The following FAM78B variants were observed in gnomAD, a reference collection of about 807,000 sequenced individuals.
FAM78B encodes the protein protein FAM78B.
FAM78B carries 10 observed loss-of-function variants against 20.0 expected under a neutral mutation model. The ratio of observed to expected loss-of-function variants is 0.50; its 90% CI spans 0.31 to 0.85. The LOEUF is 0.85. Among genes scored for constraint, FAM78B ranks in the 40% least tolerant of loss-of-function variants. The pLI, the probability that FAM78B is intolerant of heterozygous loss-of-function variation, is 0.05. For synonymous variants in FAM78B, 135 were observed against 132.8 expected (o/e 1.02, Z -0.12); for missense variants, 283 against 345.0 (o/e 0.82, Z 1.42).
intron 1 of FAM78B, among the ~76,000 whole-genome samples, chr1:166,074,400 C>T (rs1333472556): frequency 6.6e-6 from 1 of 152,122 alleles, no homozygotes; most frequent in African/African-American, 2.4e-5. Flanking sequence ...GATATATCTA[C>T]AACTACAGGT....
chr1:166,071,399 T>C (rs1433737814), intron 1 of FAM78B, among the ~76,000 whole-genome samples: 2 of 152,218 alleles, frequency 1.3e-5, no homozygotes, highest in African/African-American at 4.8e-5. Context: ...CAGGCTGGCA[T>C]ACACTCTAAT....
At chr1:166,106,775 A>T (rs1182956196) in intron 1 of FAM78B, among the ~76,000 whole-genome samples, 1 of 152,154 alleles carries the variant, frequency 6.6e-6, no homozygotes, top group African/African-American at 2.4e-5. Flanking sequence ...ATTGGGTATT[A>T]TGCTCATTAC....
At chr1:166,133,138 CTT>C (rs1443280337) in intron 1 of FAM78B, among the ~76,000 whole-genome samples, 1 of 152,272 alleles carries the variant, frequency 6.6e-6, no homozygotes, top group Non-Finnish European at 1.5e-5. Context: ...CTGCTTTTCT[CTT>C]TGAGCACATT....
intron 1 of FAM78B, chr1:166,087,115 G>T (rs1652865829): frequency 6.6e-6 from 1 of 151,784 alleles, no homozygotes; most frequent in Non-Finnish European, 1.5e-5. Flanking sequence ...ACCCAGGCTG[G>T]AGTGCAATGG....
At chr1:166,087,280 G>C (rs1652873571) in intron 1 of FAM78B, 1 of 152,052 alleles carries the variant, frequency 6.6e-6, no homozygotes, top group African/African-American at 2.4e-5. Context: ...GTCCAGGCTG[G>C]TCTTGAACTC....
rs1294938255 is a variant in FAM78B, at chr1:166,109,892, A to ATG, written c.264-39130_264-39129insCA. ...TGTATATATATATATGTATATATGT[A>ATG]TATATATATATATATATATATATAT... On this transcript the variant is annotated intron_variant, in intron 1 of 1. Coordinates refer to ENST00000354422, the MANE Select transcript of FAM78B (RefSeq NM_001017961.5). 3.2e-3 allele frequency among the ~76,000 whole-genome samples: 133 copies of ATG among 41,864 alleles called. 12 individuals carry two copies. The highest frequency in any genetic ancestry group is 6.1e-3 in the South Asian group (6 of 990). 27.5% of individuals were successfully genotyped at this position (41,864 alleles called of 152,430 possible).
At chr1:166,099,020 A>T (rs1653395039) in intron 1 of FAM78B, among the ~76,000 whole-genome samples, 1 of 152,234 alleles carries the variant, frequency 6.6e-6, no homozygotes, top group Admixed American at 6.5e-5. Context: ...CTTATAAAGG[A>T]AAACCTATTA....
At chr1:166,066,514 C>T (rs1269642154), downstream of FAM78B, among the ~76,000 whole-genome samples, 1 of 152,084 alleles carries the variant, frequency 6.6e-6, no homozygotes, top group Non-Finnish European at 1.5e-5. Context: ...GAAGTTGGAG[C>T]CAAAAGGCCC....
At chr1:166,057,394 A>G (rs887795069), downstream of FAM78B, 2 of 152,212 alleles carry the variant, frequency 1.3e-5, no homozygotes, top group African/African-American at 4.8e-5. Context: ...CAGGCACTGC[A>G]TCTTTGAGGA....
intron 1 of FAM78B, among the ~76,000 whole-genome samples, chr1:166,109,874 A>ATATATG (rs1553219439): frequency 3.4e-4 from 6 of 17,808 alleles, no homozygotes; most frequent in African/African-American, 1.0e-3. Flanking sequence ...ATGTGTATAT[A>ATATATG]TATATATGTA....
At position 166,070,314 on chromosome 1, in the gene FAM78B, T is replaced by C; in HGVS notation, c.713A>G (p.Asn238Ser). 6.3e-7 allele frequency: 1 copy of C among 1,590,770 alleles called. No individual in the cohort carries two copies. The highest frequency in any genetic ancestry group is 8.6e-7 in the Non-Finnish European group (1 of 1,166,462). The change falls in exon 2 of 2, where the codon AAT (asparagine) becomes AGT (serine). Residue 238 changes from asparagine (N) to serine (S), a missense_variant. Physicochemically the swap from Asn to Ser is conservative, Grantham distance 46. Transcript: ENST00000354422. The stretch of plus-strand genomic sequence containing the variant: ...CATGAGGACCTGGGCATCATTGGCA[T>C]TGGGTTTCACTAGTGCATTAGGGGG... ...PIPPNALVKP[N>S]ANDAQVLMWR...
chr1:166,087,435 G>A (rs1160885237), intron 1 of FAM78B: 1 of 152,148 alleles, frequency 6.6e-6, no homozygotes, highest in African/African-American at 2.4e-5. Context: ...GTAAACCATG[G>A]AGGCAGGATT....
chr1:166,122,659 G>C (rs973188100), intron 1 of FAM78B, among the ~76,000 whole-genome samples: 1 of 152,170 alleles, frequency 6.6e-6, no homozygotes, highest in Non-Finnish European at 1.5e-5. Flanking sequence ...CTTAGCATCT[G>C]TGTGTCGTTC....
At chr1:166,066,117 G>A (rs533408850), downstream of FAM78B, among the ~76,000 whole-genome samples, 9 of 152,334 alleles carry the variant, frequency 5.9e-5, no homozygotes, top group East Asian at 1.7e-3. Flanking sequence ...GGGTGGCAGG[G>A]CCTTGTTCAG....
intron 1 of FAM78B, among the ~76,000 whole-genome samples, chr1:166,140,108 T>A (rs1655223260): frequency 1.3e-5 from 2 of 152,362 alleles, no homozygotes; most frequent in South Asian, 4.1e-4. Context: ...GGCTAGACTC[T>A]TCTAAGGAAT....
At chr1:166,126,528 T>C (rs1033727775) in intron 1 of FAM78B, among the ~76,000 whole-genome samples, 1 of 151,760 alleles carries the variant, frequency 6.6e-6, no homozygotes, top group African/African-American at 2.4e-5. Context: ...AAAAATTTGA[T>C]GGAGGTGAGG....
rs538561037 is a variant in FAM78B, at chr1:166,151,230, T to C, written c.263+14756A>G. On this transcript the variant is annotated intron_variant, in intron 1 of 1. Coordinates refer to ENST00000354422, the MANE Select transcript of FAM78B (RefSeq NM_001017961.5). Reference sequence around the variant, plus strand: ...CAATGAAGACAATCTGACTGTCTCGTCCACTTCTTTCTCTCTGGTTACTCT... The same window carrying C: ...CAATGAAGACAATCTGACTGTCTCGCCCACTTCTTTCTCTCTGGTTACTCT... 2.0e-5 allele frequency among the ~76,000 whole-genome samples: 3 copies of C among 152,360 alleles called. No homozygotes were observed. The East Asian group carries it at 5.8e-4, about 29-fold the overall frequency.
At chr1:166,130,509 T>C (rs1303762064) in intron 1 of FAM78B, among the ~76,000 whole-genome samples, 1 of 152,156 alleles carries the variant, frequency 6.6e-6, no homozygotes, top group Non-Finnish European at 1.5e-5. Flanking sequence ...TGGCTATGTC[T>C]GGGAACACTT....
chr1:166,120,547 T>C (rs1054416310), intron 1 of FAM78B, among the ~76,000 whole-genome samples: 3 of 151,778 alleles, frequency 2.0e-5, no homozygotes, highest in African/African-American at 7.3e-5. Context: ...GGCAGAAGAG[T>C]GAAATGAGAG....
Sources: allele counts gnomAD v4.1 joint callset (sites outside exome capture counted in the v4.1 genomes callset), GRCh38; gene constraint gnomAD v4.1.1; transcripts MANE v1.5; gene names NCBI Gene and HGNC (gene_info 2026-07-23, HGNC 2026-07-21).